Variants in FLRT2 observed in about 807,000 individuals in gnomAD.
FLRT2 encodes the protein fibronectin leucine rich transmembrane protein 2.
In FLRT2, 15 loss-of-function variants were observed where a neutral mutation model predicts 40.0. That is an observed-to-expected ratio of 0.38 (90% CI 0.25 to 0.58). FLRT2 has a LOEUF of 0.58. Ranked by LOEUF, FLRT2 falls within the 20% of genes least tolerant of loss-of-function variation. The pLI is 0.71. For missense variants in FLRT2, 726 were observed against 840.0 expected, an observed-to-expected ratio of 0.86 and a Z score of 1.68; for synonymous variants, 380 against 336.8, an observed-to-expected ratio of 1.13 and a Z score of -1.41.
intron 1 of FLRT2, among the ~76,000 whole-genome samples, chr14:85,531,917 G>T (rs1176667640): frequency 2.0e-5 from 3 of 152,338 alleles, no homozygotes; most frequent in African/African-American, 7.2e-5. Flanking sequence ...TCTCCGCGCG[G>T]GCGTGCGTCT....
intron 1 of FLRT2, among the ~76,000 whole-genome samples, chr14:85,582,359 G>C (rs572387677): frequency 6.6e-6 from 1 of 152,162 alleles, no homozygotes; most frequent in South Asian, 2.1e-4. Flanking sequence ...GGAAGAGGTA[G>C]AAATTACTTG....
intron 1 of FLRT2, among the ~76,000 whole-genome samples, chr14:85,563,359 G>A (rs568943465): frequency 9.2e-5 from 14 of 152,272 alleles, no homozygotes; most frequent in African/African-American, 3.4e-4. Flanking sequence ...CACACACCTT[G>A]TGTTAGTTTG....
At chr14:85,579,368 G>T (rs1375713838) in intron 1 of FLRT2, among the ~76,000 whole-genome samples, 1 of 152,122 alleles carries the variant, frequency 6.6e-6, no homozygotes, top group Non-Finnish European at 1.5e-5. Context: ...ACCCTCTGGA[G>T]CCAGCTTATT....
intron 1 of FLRT2, among the ~76,000 whole-genome samples, chr14:85,532,250 C>T (rs1888330338): frequency 6.6e-6 from 1 of 152,184 alleles, no homozygotes; most frequent in Non-Finnish European, 1.5e-5. Context: ...TCTCGCGTGG[C>T]CCCACCGACG....
rs1893872938 is a variant in FLRT2 at position 85,631,530 on chromosome 14, C to T, written c.*8033C>T. On this transcript the variant is annotated 3_prime_UTR_variant, in exon 2 of 2. Coordinates refer to ENST00000330753, the MANE Select transcript of FLRT2 (RefSeq NM_013231.6). ...AGGGGAAGAGCCACTCTGTCAGTTG[C>T]TTATGGCCAGATGGCTCTTTTTTTA... 6.6e-6 allele frequency: 1 copy of T among 152,100 alleles called. No homozygotes were observed. Among genetic ancestry groups the T allele is most frequent in the South Asian group, 2.1e-4 (1 of 4,826 alleles). 9.4% of individuals were successfully genotyped at this position (152,100 alleles called of 1,614,324 possible).
At position 85,650,062 on chromosome 14, in the gene FLRT2, A is replaced by C. The variant is rs1263929719; in HGVS notation, c.*26565A>C. ...GCTTCATTGCTTTTATTCATTAAAAATTACAAATACAATTGAAGCCCTTGA... is the reference window on the plus strand; with the variant it reads ...GCTTCATTGCTTTTATTCATTAAAACTTACAAATACAATTGAAGCCCTTGA... On this transcript the variant is annotated 3_prime_UTR_variant, in exon 2 of 2. Coordinates refer to ENST00000330753, the MANE Select transcript of FLRT2 (RefSeq NM_013231.6). 6.6e-6 allele frequency: 1 copy of C among 152,068 alleles called. No individual in the cohort carries two copies. The highest frequency in any genetic ancestry group is 1.5e-5 in the Non-Finnish European group (1 of 67,954). The allele number at this position is 152,068 out of a possible 1,614,324, so 9.4% of individuals were successfully genotyped here.
intron 1 of FLRT2, among the ~76,000 whole-genome samples, chr14:85,589,325 T>C (rs1428890628): frequency 2.0e-5 from 3 of 152,168 alleles, no homozygotes; most frequent in Non-Finnish European, 4.4e-5. Context: ...TGTGATGATA[T>C]CTCAATGTAG....
rs561888961 is a variant in FLRT2 at position 85,550,825 on chromosome 14, G to A, written c.-377+20291G>A. On this transcript the variant is annotated intron_variant, in intron 1 of 1. Transcript: ENST00000330753. The stretch of plus-strand genomic sequence containing the variant: ...GGATTGATCTCCTTGTCTAACACAC[G>A]TTGAAAATCTGGAGGGGGTTTCATT... Among the ~76,000 whole-genome samples the A allele has an allele frequency of 6.6e-5, 10 of 152,160 alleles. No homozygotes were observed. The East Asian group carries it at 9.7e-4, about 15-fold the overall frequency.
chr14:85,605,633 G>A (rs543266741), intron 1 of FLRT2, among the ~76,000 whole-genome samples: 1 of 152,166 alleles, frequency 6.6e-6, no homozygotes, highest in African/African-American at 2.4e-5. Context: ...AGCTGGGCGT[G>A]GTGGCGGGCA....
At chr14:85,609,107 C>T (rs1162642603) in intron 1 of FLRT2, among the ~76,000 whole-genome samples, 1 of 152,102 alleles carries the variant, frequency 6.6e-6, no homozygotes, top group East Asian at 1.9e-4. Flanking sequence ...CACAGACACC[C>T]CAGCTCTGCA....
rs1209358552 is a variant in FLRT2 at position 85,626,001 on chromosome 14, G to T, written c.*2504G>T. ...TAAATGGTACAATGGAGACAGTCAT[G>T]TGCAATGCTTAAGATGGTCTGACAG... is the stretch of plus-strand genomic sequence containing the variant. On this transcript the variant is annotated 3_prime_UTR_variant, in exon 2 of 2. Coordinates refer to ENST00000330753, the MANE Select transcript of FLRT2 (RefSeq NM_013231.6). 1.8e-5 allele frequency: 3 copies of T among 167,070 alleles called. No individual in the cohort carries two copies. Among genetic ancestry groups the T allele is most frequent in the Non-Finnish European group, 4.4e-5 (3 of 68,146 alleles). The allele number at this position is 167,070 out of a possible 1,614,324, so 10.3% of individuals were successfully genotyped here. A position where few individuals can be genotyped will look rare whatever the true frequency, so the allele number is the denominator to read the frequency against.
chr14:85,554,890 C>T (rs765897448), intron 1 of FLRT2, among the ~76,000 whole-genome samples: 9 of 152,102 alleles, frequency 5.9e-5, no homozygotes, highest in Non-Finnish European at 1.2e-4. Context: ...TGGTAGTTTG[C>T]CGTCCTGCAG....
In FLRT2 at chr14:85,624,041, G is replaced by A. The variant is rs1021628538; in HGVS notation, c.*544G>A. On this transcript the variant is annotated 3_prime_UTR_variant, in exon 2 of 2. Transcript: ENST00000330753. ...TAGTTACCCTGATTTGACCCTGTGT[G>A]GGAAATGCTGAAAGCACCAGGAGGA... 2 of 167,098 alleles carry A rather than the reference G, an allele frequency of 1.2e-5. No homozygotes were observed. The highest frequency in any genetic ancestry group is 2.9e-5 in the Non-Finnish European group (2 of 68,148). The allele number at this position is 167,098 out of a possible 1,614,324, so 10.4% of individuals were successfully genotyped here.
At position 85,639,625 on chromosome 14, in the gene FLRT2, AGT is replaced by A. The variant is rs1297217598; in HGVS notation, c.*16135_*16136del. ...CTCTCATGAGTTTGGCTAAAATTAG[AGT>A]GTGTGTTAGTAGAATTTATATTTAT... On this transcript the variant is annotated 3_prime_UTR_variant, in exon 2 of 2. Coordinates refer to ENST00000330753, the MANE Select transcript of FLRT2 (RefSeq NM_013231.6). The A allele has an allele frequency of 2.0e-5, 3 of 152,132 alleles. No homozygotes were observed. The East Asian group carries it at 5.8e-4, about 30-fold the overall frequency. The allele number at this position is 152,132 out of a possible 1,614,324, so 9.4% of individuals were successfully genotyped here.
intron 1 of FLRT2, among the ~76,000 whole-genome samples, chr14:85,571,042 A>G (rs944559137): frequency 6.6e-6 from 1 of 152,126 alleles, no homozygotes; most frequent in East Asian, 1.9e-4. Flanking sequence ...GGATGATGGT[A>G]GGTGGTGACA....
intron 1 of FLRT2, among the ~76,000 whole-genome samples, chr14:85,603,684 C>T (rs1892481626): frequency 6.6e-6 from 1 of 151,234 alleles, no homozygotes; most frequent in South Asian, 2.1e-4. Flanking sequence ...GTCTGGCCAA[C>T]ATGGCGAAAC....
intron 1 of FLRT2, among the ~76,000 whole-genome samples, chr14:85,533,253 C>G (rs1343507277): frequency 6.7e-6 from 1 of 149,554 alleles, no homozygotes; most frequent in African/African-American, 2.4e-5. Flanking sequence ...GAGGCGATCC[C>G]GCGAATTCAT....
intron 1 of FLRT2, among the ~76,000 whole-genome samples, chr14:85,605,773 AAAAT>A (rs1243432393): frequency 1.3e-5 from 2 of 152,250 alleles, no homozygotes; most frequent in Admixed American, 6.5e-5. Flanking sequence ...CTCAAAAATA[AAAAT>A]AAATAAATAA....
intron 1 of FLRT2, among the ~76,000 whole-genome samples, chr14:85,591,614 A>G (rs1891887885): frequency 2.0e-5 from 3 of 152,218 alleles, no homozygotes; most frequent in Admixed American, 2.0e-4. Flanking sequence ...GAAGTTACAG[A>G]GCAGGTTGTA....
Sources: gnomAD v4.1 joint callset for allele counts (sites outside exome capture counted in the v4.1 genomes callset) on GRCh38, gnomAD v4.1.1 for gene constraint, MANE v1.5 for transcripts, NCBI Gene and HGNC (gene_info 2026-07-23, HGNC 2026-07-21) for gene names.